NCALD: variants seen among roughly 807,000 people sequenced by gnomAD.
NCALD encodes the protein neurocalcin-delta.
A neutral mutation model predicts 18.6 loss-of-function variants in NCALD; 10 were observed. The ratio of observed to expected loss-of-function variants is 0.54; its 90% confidence interval spans 0.33 to 0.91. The LOEUF (loss-of-function observed/expected upper bound fraction) is 0.91. Among genes scored for constraint, NCALD ranks in the 40% least tolerant of loss-of-function variants. The pLI, the probability that NCALD is intolerant of heterozygous loss-of-function variation, is 0.03. For missense variants in NCALD, 184 were observed against 247.6 expected (o/e 0.74, Z 1.72); for synonymous variants, 88 against 87.4 (o/e 1.01, Z -0.04).
At chr8:101,974,358 G>A (rs1820346881) in intron 2 of NCALD, among the ~76,000 whole-genome samples, 1 of 152,062 alleles carries the variant, frequency 6.6e-6, no homozygotes, top group African/African-American at 2.4e-5. Flanking sequence ...TTACCTTCAT[G>A]AAAAGTCCCT....
chr8:101,774,423 A>T (rs996479613), intron 1 of NCALD, among the ~76,000 whole-genome samples: 1 of 152,166 alleles, frequency 6.6e-6, no homozygotes, highest in Non-Finnish European at 1.5e-5. Context: ...TCATTAATTT[A>T]TTACCCTTGA....
In NCALD at chr8:101,772,184, A is replaced by T. The variant is rs147455319; in HGVS notation, c.-20+18678T>A. On this transcript the variant is annotated intron_variant, in intron 1 of 3. Coordinates refer to ENST00000220931, the MANE Select transcript of NCALD (RefSeq NM_032041.3). ...GGTCCCATGGTCAAACTAGTTTGGG[A>T]AACGTGTCTTATCATATCCTCCTCT... Among the ~76,000 whole-genome samples, 601 of 152,298 alleles carry T rather than the reference A, an allele frequency of 3.9e-3. 7 individuals are homozygous for T. The highest frequency in any genetic ancestry group is 0.013 in the African/African-American group (560 of 41,578).
At chr8:101,876,134 T>G (rs571187674) in intron 4 of NCALD, among the ~76,000 whole-genome samples, 1 of 152,024 alleles carries the variant, frequency 6.6e-6, no homozygotes, top group Non-Finnish European at 1.5e-5. Flanking sequence ...AAAGGGAAAA[T>G]AGTAGAGGAA....
At chr8:101,993,217 C>T (rs1037722977) in intron 2 of NCALD, among the ~76,000 whole-genome samples, 3 of 151,634 alleles carry the variant, frequency 2.0e-5, no homozygotes, top group African/African-American at 7.3e-5. Flanking sequence ...GGCTCATTAC[C>T]TACTGCCGCC....
chr8:101,948,210 C>T (rs1181921318), intron 2 of NCALD, among the ~76,000 whole-genome samples: 4 of 152,190 alleles, frequency 2.6e-5, no homozygotes, highest in Admixed American at 1.3e-4. Context: ...ATGGCCCTGG[C>T]CTGGACTAAG....
At chr8:101,945,405 C>G (rs1442188419) in intron 2 of NCALD, among the ~76,000 whole-genome samples, 3 of 152,020 alleles carry the variant, frequency 2.0e-5, no homozygotes, top group Non-Finnish European at 4.4e-5. Flanking sequence ...GTAAAGCAAA[C>G]AAGCTTATAA....
At chr8:102,059,454 T>C (rs371421307) in intron 1 of NCALD, among the ~76,000 whole-genome samples, 226 of 152,364 alleles carry the variant, frequency 1.5e-3, no homozygotes, top group South Asian at 2.9e-3. Flanking sequence ...TCCCTGATAT[T>C]TGAACGAACA....
At chr8:101,698,755 C>T (rs1815120019) in intron 2 of NCALD, among the ~76,000 whole-genome samples, 2 of 152,158 alleles carry the variant, frequency 1.3e-5, no homozygotes, top group Admixed American at 6.5e-5. Flanking sequence ...GCACCCCTTC[C>T]TTACACCTTA....
intron 2 of NCALD, among the ~76,000 whole-genome samples, chr8:101,988,266 T>C (rs1020304055): frequency 1.3e-5 from 2 of 151,596 alleles, no homozygotes; most frequent in Non-Finnish European, 2.9e-5. Context: ...TGACAACATA[T>C]GGAAAATCTG....
intron 2 of NCALD, among the ~76,000 whole-genome samples, chr8:101,936,804 T>C (rs991041527): frequency 2.0e-5 from 3 of 152,172 alleles, no homozygotes; most frequent in African/African-American, 7.2e-5. Context: ...CACGATATAG[T>C]GTTTTAAGCT....
At position 101,689,136 on chromosome 8, in the gene NCALD, A is replaced by C; in HGVS notation, c.*173T>G. On this transcript the variant is annotated 3_prime_UTR_variant, in exon 4 of 4. Transcript: ENST00000220931. The surrounding 1 kb of genome is among the most constrained non-coding windows in gnomAD (Gnocchi z 4.4). ...GCACACTGGGGCTCTGGGCATTCCC[A>C]CGAAGCATCCACGACAAAAGAAGCT... The C allele has an allele frequency of 1.4e-6, 1 of 715,454 alleles. No individual in the cohort carries two copies. Among genetic ancestry groups the C allele is most frequent in the South Asian group, 1.5e-5 (1 of 67,816 alleles). 44.3% of individuals were successfully genotyped at this position (715,454 alleles called of 1,614,324 possible).
At chr8:101,760,108 T>TC (rs1311955165) in intron 1 of NCALD, among the ~76,000 whole-genome samples, 6 of 152,212 alleles carry the variant, frequency 3.9e-5, no homozygotes, top group African/African-American at 1.4e-4. Context: ...TACTGACTGA[T>TC]AATACACAGA....
chr8:101,863,838 T>C (rs552320114), intron 4 of NCALD, among the ~76,000 whole-genome samples: 9 of 152,166 alleles, frequency 5.9e-5, no homozygotes, highest in East Asian at 3.9e-4. Flanking sequence ...TGTGTGACCA[T>C]TGGGGGAAGA....
At chr8:101,753,056 A>G (rs1455508847) in intron 1 of NCALD, among the ~76,000 whole-genome samples, 1 of 152,180 alleles carries the variant, frequency 6.6e-6, no homozygotes, top group East Asian at 1.9e-4. Context: ...TGAACAGGAA[A>G]GATAGCGGGA....
intron 4 of NCALD, among the ~76,000 whole-genome samples, chr8:101,811,921 C>T (rs113200778): frequency 0.026 from 3,895 of 152,310 alleles, 90 homozygotes; most frequent in Non-Finnish European, 0.038. Context: ...AGAGAACGTG[C>T]TAAACACAAG....
At position 101,729,526 on chromosome 8, in the gene NCALD, C is replaced by T. The variant is rs1816722227; in HGVS notation, c.-19-9878G>A. 3.9e-5 allele frequency among the ~76,000 whole-genome samples: 6 copies of T among 152,196 alleles called. No homozygotes were observed. The South Asian group carries it at 1.0e-3, about 26-fold the overall frequency. On this transcript the variant is annotated intron_variant, in intron 1 of 3. Transcript: ENST00000220931. The stretch of plus-strand genomic sequence containing the variant: ...GGCTGGGCATGTGAGCTCATATCTC[C>T]TATGTGAAGGGTCATGGCCTGGGGT...
intron 2 of NCALD, among the ~76,000 whole-genome samples, chr8:101,698,141 T>C (rs1413769703): frequency 2.0e-5 from 3 of 151,988 alleles, no homozygotes; most frequent in Non-Finnish European, 2.9e-5. Flanking sequence ...ACACCAACAA[T>C]AGACAAGCAG....
intron 2 of NCALD, among the ~76,000 whole-genome samples, chr8:101,958,763 T>C (rs888819466): frequency 1.3e-5 from 2 of 152,268 alleles, no homozygotes; most frequent in East Asian, 3.9e-4. Flanking sequence ...AGAGCTAGCA[T>C]GCTTCACAAG....
At chr8:101,984,956 C>G (rs1760827851) in intron 2 of NCALD, among the ~76,000 whole-genome samples, 2 of 152,168 alleles carry the variant, frequency 1.3e-5, no homozygotes, top group Non-Finnish European at 2.9e-5. Flanking sequence ...CCCATGGACA[C>G]CAGCCCTTTA....
Sources: allele counts gnomAD v4.1 joint callset (sites outside exome capture counted in the v4.1 genomes callset), GRCh38; gene constraint gnomAD v4.1.1; non-coding constraint Gnocchi (gnomAD v3.1); transcripts MANE v1.5; gene names NCBI Gene and HGNC (gene_info 2026-07-23, HGNC 2026-07-21).